The following SANBR variants were observed in gnomAD, a reference collection of about 807,000 sequenced individuals.
SANBR encodes the protein SANT and BTB domain regulator of CSR.
A neutral mutation model predicts 101.8 loss-of-function variants in SANBR; 77 were observed. The observed-to-expected ratio is 0.76, with a 90% CI of 0.63 to 0.91. SANBR has a LOEUF of 0.91. Ranked by LOEUF, SANBR falls within the 40% of genes least tolerant of loss-of-function variation. The pLI is 0.00. For missense variants in SANBR, 875 were observed against 853.0 expected (o/e 1.03, Z -0.32); for synonymous variants, 279 against 274.7 (o/e 1.02, Z -0.15).
intron 5 of SANBR, among the ~76,000 whole-genome samples, chr2:61,076,609 CAGAG>C (rs1192090432): frequency 3.7e-5 from 5 of 136,306 alleles, no homozygotes; most frequent in Non-Finnish European, 7.7e-5. Context: ...GCCTGGGTGA[CAGAG>C]AGAGACTCCG....
At chr2:61,102,683 C>T (rs916801147) in intron 12 of SANBR, among the ~76,000 whole-genome samples, 8 of 151,802 alleles carry the variant, frequency 5.3e-5, no homozygotes, top group African/African-American at 1.9e-4. Context: ...ATTACAGGTG[C>T]GTGCCACCAT....
At chr2:61,081,546 G>C (rs764773406) in intron 7 of SANBR, 36 bp downstream of exon 7, 1 of 1,484,656 alleles carries the variant, frequency 6.7e-7, no homozygotes, top group African/African-American at 1.5e-5. Flanking sequence ...AAGTGCTTCT[G>C]TTCACTTATG....
intron 10 of SANBR, among the ~76,000 whole-genome samples, chr2:61,091,286 A>G (rs1427221853): frequency 6.6e-6 from 1 of 151,994 alleles, no homozygotes; most frequent in African/African-American, 2.4e-5. Flanking sequence ...CTCTACAAAA[A>G]TTGTTTTATA....
At position 61,088,499 on chromosome 2, in the gene SANBR, T is replaced by TA. The variant is rs771802769; in HGVS notation, c.1088+31_1088+32insA. 4.6e-6 allele frequency: 6 copies of TA among 1,316,464 alleles called. No individual in the cohort carries two copies. In the South Asian group the frequency reaches 8.2e-5, roughly 18 times the overall value. 81.5% of individuals were successfully genotyped at this position (1,316,464 alleles called of 1,614,324 possible). A position where few individuals can be genotyped will look rare whatever the true frequency, so the allele number is the denominator to read the frequency against. On this transcript the variant is annotated intron_variant, in intron 10 of 21. Coordinates refer to ENST00000402291, the MANE Select transcript of SANBR (RefSeq NM_001129993.3). Reference sequence around the variant, plus strand: ...GTGAAGATAAAATACATACATGTATTTTTGTATATATATATATATAGTTGT... The same window carrying TA: ...GTGAAGATAAAATACATACATGTATTATTTGTATATATATATATATAGTTGT...
intron 16 of SANBR, 154 bp from the exon 17 acceptor site, chr2:61,115,825 T>G (rs1166152544): frequency 5.9e-6 from 3 of 511,462 alleles, no homozygotes; most frequent in Non-Finnish European, 1.0e-5. Flanking sequence ...CAATTTCAGC[T>G]TTGCTTCATG....
intron 15 of SANBR, 124 bp from the exon 16 acceptor site, chr2:61,109,073 C>T: frequency 2.2e-6 from 1 of 456,032 alleles, no homozygotes; most frequent in East Asian, 3.5e-5. Flanking sequence ...TTGTGCTAGC[C>T]AGAGGTTATT....
intron 5 of SANBR, 53 bp from the exon 6 acceptor site, chr2:61,076,867 A>C: frequency 7.8e-7 from 1 of 1,288,422 alleles, no homozygotes; most frequent in Non-Finnish European, 1.1e-6. Flanking sequence ...AGTATTCTTG[A>C]CTCCTTTTCT....
intron 20 of SANBR, among the ~76,000 whole-genome samples, chr2:61,119,789 C>T (rs1197057525): frequency 6.6e-6 from 1 of 152,048 alleles, no homozygotes; most frequent in East Asian, 1.9e-4. Flanking sequence ...GAAACCCTAT[C>T]TCTACAAAAA....
chr2:61,120,241 A>G (rs990427690), intron 20 of SANBR, among the ~76,000 whole-genome samples: 6 of 152,286 alleles, frequency 3.9e-5, no homozygotes, highest in South Asian at 2.1e-4. Flanking sequence ...AGTGGCTCAC[A>G]CCTGTAATCC....
intron 15 of SANBR, 30 bp from the exon 16 acceptor site, chr2:61,109,167 A>T (rs1318859488): frequency 1.8e-6 from 2 of 1,100,934 alleles, no homozygotes; most frequent in Non-Finnish European, 2.6e-6. Flanking sequence ...TCATAATATT[A>T]CATTTATAAT....
chr2:61,109,665 TG>T (rs1331060891), intron 16 of SANBR, among the ~76,000 whole-genome samples: 2 of 149,800 alleles, frequency 1.3e-5, no homozygotes, highest in East Asian at 1.9e-4. Context: ...GTGGAAAGCA[TG>T]TTTTTTTTGT....
At chr2:61,072,296 A>T (rs1463296924) in intron 4 of SANBR, among the ~76,000 whole-genome samples, 1 of 152,122 alleles carries the variant, frequency 6.6e-6, no homozygotes, top group Middle Eastern at 3.2e-3. Flanking sequence ...TTAGGGCCAG[A>T]TGCAGTGGCT....
intron 11 of SANBR, among the ~76,000 whole-genome samples, chr2:61,093,521 G>A (rs1366461841): frequency 6.6e-6 from 1 of 152,118 alleles, no homozygotes; most frequent in Non-Finnish European, 1.5e-5. Flanking sequence ...CTTGAACCCG[G>A]GAGGCAGAGG....
chr2:61,134,982 G>T (rs1192281959), intron 21 of SANBR, among the ~76,000 whole-genome samples: 15 of 151,140 alleles, frequency 9.9e-5, no homozygotes. Flanking sequence ...CTGAGGTCAG[G>T]AGTTCGAGAC....
chr2:61,117,111 G>T, intron 17 of SANBR: 1 of 500,808 alleles, frequency 2.0e-6, no homozygotes, highest in Non-Finnish European at 3.6e-6. Context: ...AATGAAGCTG[G>T]ATTCAAATTC....
At chr2:61,120,390 C>T (rs1684277584) in intron 20 of SANBR, among the ~76,000 whole-genome samples, 1 of 152,106 alleles carries the variant, frequency 6.6e-6, no homozygotes. Flanking sequence ...ATCCCATCTA[C>T]TCAGGAGGCT....
At chr2:61,093,008 C>T (rs1156617458) in intron 11 of SANBR, among the ~76,000 whole-genome samples, 2 of 152,124 alleles carry the variant, frequency 1.3e-5, no homozygotes, top group Non-Finnish European at 2.9e-5. Context: ...TGGCACATGC[C>T]TGTAATCCCA....
downstream of SANBR, among the ~76,000 whole-genome samples, chr2:61,126,531 G>A (rs763895561): frequency 1.3e-5 from 2 of 152,068 alleles, no homozygotes; most frequent in East Asian, 1.9e-4. Context: ...GGCCGGACGC[G>A]GTGGCTCACG....
At chr2:61,084,314 A>T (rs1559091144) in intron 8 of SANBR, among the ~76,000 whole-genome samples, 1 of 152,206 alleles carries the variant, frequency 6.6e-6, no homozygotes, top group Non-Finnish European at 1.5e-5. Flanking sequence ...TGAAGTAAGT[A>T]AAGTGAAGTA....
Sources: gnomAD v4.1 joint callset for allele counts (sites outside exome capture counted in the v4.1 genomes callset) on GRCh38, gnomAD v4.1.1 for gene constraint, MANE v1.5 for transcripts, NCBI Gene and HGNC (gene_info 2026-07-23, HGNC 2026-07-21) for gene names.